MYO1D: variants seen among roughly 807,000 people sequenced by gnomAD.
MYO1D encodes the protein myosin ID, also known as unconventional myosin-Id.
MYO1D carries 83 observed loss-of-function variants against 122.0 expected under a neutral mutation model. The ratio of observed to expected loss-of-function variants is 0.68; its 90% CI spans 0.57 to 0.82. The LOEUF (loss-of-function observed/expected upper bound fraction) is 0.82. Ranked by LOEUF, MYO1D falls within the 40% of genes least tolerant of loss-of-function variation. MYO1D has a pLI of 0.00. For synonymous variants in MYO1D, 464 were observed against 446.9 expected, an observed-to-expected ratio of 1.04 and a Z score of -0.48; for missense variants, 1,157 against 1,269.5, an observed-to-expected ratio of 0.91 and a Z score of 1.35.
At chr17:32,729,474 G>A (rs901643730) in intron 14 of MYO1D, among the ~76,000 whole-genome samples, 1 of 152,108 alleles carries the variant, frequency 6.6e-6, no homozygotes, top group Non-Finnish European at 1.5e-5. Flanking sequence ...GTCTACTTCT[G>A]GTAATGGAGC....
chr17:32,621,485 G>C (rs1364813522), intron 20 of MYO1D, among the ~76,000 whole-genome samples: 1 of 152,026 alleles, frequency 6.6e-6, no homozygotes, highest in Non-Finnish European at 1.5e-5. Context: ...AGAATTTATT[G>C]AATGTGTGGA....
At chr17:32,816,742 C>G (rs1319696955) in intron 1 of MYO1D, among the ~76,000 whole-genome samples, 1 of 152,152 alleles carries the variant, frequency 6.6e-6, no homozygotes, top group Non-Finnish European at 1.5e-5. Flanking sequence ...GATGCACTCA[C>G]CTCAACTGCA....
chr17:32,564,277 T>G (rs867022260), intron 21 of MYO1D, among the ~76,000 whole-genome samples: 3 of 152,206 alleles, frequency 2.0e-5, no homozygotes, highest in Admixed American at 6.5e-5. Flanking sequence ...TGTCAACTAG[T>G]AGGCAGATTT....
At chr17:32,654,045 T>C in intron 18 of MYO1D, 98 bp from the exon 19 acceptor site, 3 of 894,716 alleles carry the variant, frequency 3.4e-6, no homozygotes, top group Non-Finnish European at 5.1e-6. Flanking sequence ...ACTTATATAG[T>C]TTCACACATG....
At chr17:32,843,132 C>T (rs538070098) in intron 1 of MYO1D, among the ~76,000 whole-genome samples, 13 of 152,154 alleles carry the variant, frequency 8.5e-5, no homozygotes, top group African/African-American at 2.6e-4. Flanking sequence ...TCAAGTGATC[C>T]GCCCGCCTCG....
chr17:32,784,331 C>T (rs2090270670), intron 1 of MYO1D, among the ~76,000 whole-genome samples: 1 of 152,178 alleles, frequency 6.6e-6, no homozygotes, highest in Admixed American at 6.5e-5. Flanking sequence ...TCCTTCTTCC[C>T]CATGTGCTTG....
At chr17:32,501,687 G>A (rs1040029280) in intron 21 of MYO1D, among the ~76,000 whole-genome samples, 2 of 152,234 alleles carry the variant, frequency 1.3e-5, no homozygotes, top group Admixed American at 6.5e-5. Flanking sequence ...CCCAGTCCGC[G>A]AGGACAGACG....
intron 21 of MYO1D, among the ~76,000 whole-genome samples, chr17:32,540,327 CAAAAAAAA>C (rs34076937): frequency 1.4e-5 from 1 of 69,848 alleles, no homozygotes; most frequent in African/African-American, 6.1e-5. Flanking sequence ...GAGACTATCT[CAAAAAAAA>C]AAAAAAAAAA....
chr17:32,651,002 T>A (rs2088380428), intron 19 of MYO1D, among the ~76,000 whole-genome samples: 1 of 152,212 alleles, frequency 6.6e-6, no homozygotes, highest in Admixed American at 6.5e-5. Context: ...TATTTTTGTA[T>A]TCCTATAAAA....
chr17:32,659,127 G>A lies in MYO1D; in HGVS notation c.2333C>T (p.Thr778Met), dbSNP rs1211032232. The change falls in exon 17 of 22, where the codon ACG (threonine) becomes ATG (methionine). Residue 778 changes from threonine (T) to methionine (M), a missense_variant. By Grantham distance (81) the Thr-to-Met change is moderately conservative. Coordinates refer to ENST00000318217, the MANE Select transcript of MYO1D (RefSeq NM_015194.3). ...AGCACGTTCTTACCTATTGAAAATC[G>A]TCTGCAGGGCCTCCTCAAAACGGCG... is the stretch of plus-strand genomic sequence containing the variant. Reference protein sequence around the residue: ...VLRRFEEALQTIFNRWRASQL... With the variant: ...VLRRFEEALQMIFNRWRASQL... 6.8e-6 allele frequency: 11 copies of A among 1,614,016 alleles called. No homozygotes were observed. Among genetic ancestry groups the A allele is most frequent in the African/African-American group, 4.0e-5 (3 of 75,028 alleles).
In MYO1D at chr17:32,780,430, T is replaced by G. The variant is rs532908791; in HGVS notation, c.304+146A>C. 93 of 718,606 alleles carry G rather than the reference T, an allele frequency of 1.3e-4. 3 individuals are homozygous for G. In the South Asian group the frequency reaches 1.6e-3, roughly 12 times the overall value. The allele number at this position is 718,606 out of a possible 1,614,324, so 44.5% of individuals were successfully genotyped here. A position where few individuals can be genotyped will look rare whatever the true frequency, so the allele number is the denominator to read the frequency against. On this transcript the variant is annotated intron_variant, in intron 2 of 21. Coordinates refer to ENST00000318217, the MANE Select transcript of MYO1D (RefSeq NM_015194.3). The stretch of plus-strand genomic sequence containing the variant: ...AGAAATGATATAAATAATTTGGTAT[T>G]TAACGTTCATCACTTTTCTCTCTCC...
At chr17:32,603,681 A>C (rs2087590285) in intron 21 of MYO1D, among the ~76,000 whole-genome samples, 1 of 151,848 alleles carries the variant, frequency 6.6e-6, no homozygotes. Flanking sequence ...GCCCGCCACC[A>C]AGCCCAGCTA....
intron 14 of MYO1D, among the ~76,000 whole-genome samples, chr17:32,734,268 C>T (rs2089670991): frequency 6.6e-6 from 1 of 152,064 alleles, no homozygotes; most frequent in Non-Finnish European, 1.5e-5. Context: ...AAACCATCTA[C>T]ATTTTCAAAT....
Position 32,780,732 on chromosome 17 carries a change from T to C in MYO1D, c.148A>G (p.Asn50Asp). The change falls in exon 2 of 22, where the codon AAC (asparagine) becomes GAC (aspartate). Residue 50 changes from asparagine to aspartate, a missense_variant. By Grantham distance (23) the Asn-to-Asp change is conservative (BLOSUM62 1). Transcript: ENST00000318217. ...TFIGEVVVSVNPYKLLNIYGR... is the reference protein window; with the variant it reads ...TFIGEVVVSVDPYKLLNIYGR... ...TAGATGTTCAACAACTTGTAAGGGT[T>C]CACAGAAACGACGACTTCTCCAATG... The C allele has an allele frequency of 6.2e-7, 1 of 1,614,192 alleles. No individual in the cohort carries two copies. Among genetic ancestry groups the C allele is most frequent in the Non-Finnish European group, 8.5e-7 (1 of 1,180,040 alleles).
intron 1 of MYO1D, among the ~76,000 whole-genome samples, chr17:32,818,125 C>CAAAAAAAAAAAAAAAAA (rs58466009): frequency 1.8e-3 from 84 of 45,970 alleles, no homozygotes; most frequent in Middle Eastern, 0.01. Flanking sequence ...GACTCCGTCT[C>CAAAAAAAAAAAAAAAAA]AAAAAAAAAA....
intron 21 of MYO1D, among the ~76,000 whole-genome samples, chr17:32,548,315 G>A (rs2086981875): frequency 6.6e-6 from 1 of 151,606 alleles, no homozygotes; most frequent in African/African-American, 2.4e-5. Flanking sequence ...TATAGTCCCA[G>A]CTACTGGGAG....
chr17:32,681,426 C>T (rs949645075), intron 16 of MYO1D, among the ~76,000 whole-genome samples: 46 of 145,366 alleles, frequency 3.2e-4, no homozygotes, highest in Non-Finnish European at 5.3e-4. Flanking sequence ...GCTTTGAATG[C>T]ATCCCAGAGA....
chr17:32,812,325 G>T (rs1327790325), intron 1 of MYO1D, among the ~76,000 whole-genome samples: 1 of 152,174 alleles, frequency 6.6e-6, no homozygotes, highest in Non-Finnish European at 1.5e-5. Context: ...TGTTTTTTAT[G>T]TGCTAGGCAC....
chr17:32,863,592 T>C (rs2091096510), intron 1 of MYO1D, among the ~76,000 whole-genome samples: 1 of 152,212 alleles, frequency 6.6e-6, no homozygotes, highest in Admixed American at 6.5e-5. Context: ...CAACTTAGTG[T>C]GGAACAAAAC....
Sources: allele counts gnomAD v4.1 joint callset (sites outside exome capture counted in the v4.1 genomes callset), GRCh38; gene constraint gnomAD v4.1.1; transcripts MANE v1.5; gene names NCBI Gene and HGNC (gene_info 2026-07-23, HGNC 2026-07-21).